METAP1: variants seen among roughly 807,000 people sequenced by gnomAD.
The protein encoded by METAP1 is methionine aminopeptidase 1.
In METAP1, 28 loss-of-function variants were observed where a neutral mutation model predicts 53.8. The observed-to-expected ratio is 0.52, with a 90% CI of 0.39 to 0.71. The LOEUF (loss-of-function observed/expected upper bound fraction) is 0.71. Among genes scored for constraint, METAP1 ranks in the 30% least tolerant of loss-of-function variants. The pLI, the probability that METAP1 is intolerant of heterozygous loss-of-function variation, is 0.00. For missense variants in METAP1, 389 were observed against 479.8 expected, an observed-to-expected ratio of 0.81 and a Z score of 1.77; for synonymous variants, 181 against 165.7, an observed-to-expected ratio of 1.09 and a Z score of -0.71.
chr4:99,003,830 A>G (rs1247368330), intron 1 of METAP1, among the ~76,000 whole-genome samples: 1 of 152,118 alleles, frequency 6.6e-6, no homozygotes. Context: ...GTGGACACCA[A>G]CTGGGTGTCC....
intron 1 of METAP1, among the ~76,000 whole-genome samples, chr4:99,013,233 C>T (rs899546303): frequency 1.3e-5 from 2 of 152,008 alleles, no homozygotes; most frequent in Non-Finnish European, 2.9e-5. Context: ...AATTTCATTA[C>T]TTCTTTCTTT....
intron 10 of METAP1, among the ~76,000 whole-genome samples, chr4:99,058,191 G>A (rs1727289155): frequency 6.6e-6 from 1 of 152,152 alleles, no homozygotes; most frequent in Non-Finnish European, 1.5e-5. Flanking sequence ...CACCCAGTTC[G>A]AGGCAGACAT....
At chr4:99,057,531 A>G (rs1253311369) in intron 9 of METAP1, among the ~76,000 whole-genome samples, 3 of 140,280 alleles carry the variant, frequency 2.1e-5, no homozygotes, top group Non-Finnish European at 4.5e-5. Flanking sequence ...CTGTTTTCCT[A>G]GAGAACACAT....
chr4:99,013,696 C>T (rs574907421), intron 1 of METAP1, among the ~76,000 whole-genome samples: 66 of 152,106 alleles, frequency 4.3e-4, no homozygotes, highest in Middle Eastern at 3.4e-3. Flanking sequence ...CTAAATAGGA[C>T]GAAGGGAAAA....
At chr4:99,025,358 C>G (rs764698009) in intron 1 of METAP1, 1 of 984,494 alleles carries the variant, frequency 1.0e-6, no homozygotes, top group Non-Finnish European at 1.2e-6. Flanking sequence ...TTTGCAGTAG[C>G]GATTTCAGTA....
intron 1 of METAP1, among the ~76,000 whole-genome samples, chr4:99,014,368 A>G (rs1046812843): frequency 6.6e-6 from 1 of 152,220 alleles, no homozygotes; most frequent in Admixed American, 6.5e-5. Flanking sequence ...AGCTAGCATC[A>G]TATCAAGAGT....
At chr4:99,037,263 C>T (rs964571803) in intron 4 of METAP1, among the ~76,000 whole-genome samples, 24 of 150,768 alleles carry the variant, frequency 1.6e-4, no homozygotes, top group African/African-American at 4.9e-4. Context: ...ACCAATTGAC[C>T]GTTTGTTTTG....
chr4:99,005,226 A>T (rs896879835), intron 1 of METAP1, among the ~76,000 whole-genome samples: 1 of 152,148 alleles, frequency 6.6e-6, no homozygotes, highest in Non-Finnish European at 1.5e-5. Flanking sequence ...ATATTTGCAA[A>T]CTATGCATCT....
At chr4:99,005,979 C>T (rs1039736698) in intron 1 of METAP1, 4 of 167,710 alleles carry the variant, frequency 2.4e-5, no homozygotes, top group Admixed American at 1.2e-4. Context: ...AATGTACATA[C>T]TAGGATGACT....
Position 99,061,177 on chromosome 4 carries a change from C to A in METAP1, c.1021C>A (p.Pro341Thr). ...AGGCGGATGGCAGGATGAAACCTGG[C>A]CAGATGGTTGGACTGCGGTGACAAG... is the stretch of plus-strand genomic sequence containing the variant. ...CEGGWQDETW[P>T]DGWTAVTRDG... is the part of the protein sequence containing the mutation. The change falls in exon 11 of 11, where the codon CCA becomes ACA. Residue 341 changes from proline to threonine, a missense_variant. Physicochemically the swap from Pro to Thr is conservative, Grantham distance 38. Coordinates refer to ENST00000296411, the MANE Select transcript of METAP1 (RefSeq NM_015143.3). The A allele has an allele frequency of 6.2e-7, 1 of 1,613,184 alleles. No homozygotes were observed. The highest frequency in any genetic ancestry group is 1.1e-5 in the South Asian group (1 of 90,956).
At chr4:99,035,261 T>A in intron 3 of METAP1, 139 bp from the exon 4 acceptor site, 1 of 638,552 alleles carries the variant, frequency 1.6e-6, no homozygotes, top group Admixed American at 2.7e-5. Flanking sequence ...AAGTAAAGCA[T>A]AATCTTAATG....
At chr4:99,022,494 G>A (rs1385617463) in intron 1 of METAP1, 2 of 620,322 alleles carry the variant, frequency 3.2e-6, no homozygotes, top group Non-Finnish European at 5.8e-6. Flanking sequence ...TAGGACGTTG[G>A]GCAAATGTCC....
chr4:99,014,429 T>A (rs1723639515), intron 1 of METAP1, among the ~76,000 whole-genome samples: 1 of 152,256 alleles, frequency 6.6e-6, no homozygotes, highest in Non-Finnish European at 1.5e-5. Flanking sequence ...TCATCTGCAA[T>A]TCCCCTGACC....
At chr4:99,032,332 A>G (rs1157574773) in intron 2 of METAP1, among the ~76,000 whole-genome samples, 3 of 151,794 alleles carry the variant, frequency 2.0e-5, no homozygotes, top group Admixed American at 6.6e-5. Flanking sequence ...GGCTCGAGCA[A>G]TCCTTCTATT....
intron 1 of METAP1, among the ~76,000 whole-genome samples, chr4:99,007,208 C>T (rs181021327): frequency 0.011 from 1,727 of 152,154 alleles, 22 homozygotes; most frequent in South Asian, 0.052. Context: ...CTGCTTGCCT[C>T]GGCCTCCCAA....
Position 99,004,666 on chromosome 4 carries a change from C to T in METAP1, c.114+8799C>T, listed in dbSNP as rs141903210. ...CTTTGTCCCTCATCCAAGAGGTATT[C>T]CATATCCTGAATTTTGTGTTTATCA... On this transcript the variant is annotated intron_variant, in intron 1 of 10. Transcript: ENST00000296411. 7.2e-3 allele frequency among the ~76,000 whole-genome samples: 1,095 copies of T among 152,244 alleles called. 9 individuals carry two copies. The highest frequency in any genetic ancestry group is 0.025 in the African/African-American group (1,036 of 41,522).
intron 1 of METAP1, among the ~76,000 whole-genome samples, chr4:99,000,655 CT>C (rs781035164): frequency 0.077 from 8,724 of 112,612 alleles, 842 homozygotes; most frequent in African/African-American, 0.24. Flanking sequence ...GGAAGAAAGT[CT>C]TTTTTTTTTT....
At chr4:99,044,116 A>G (rs950484775) in intron 7 of METAP1, among the ~76,000 whole-genome samples, 1 of 151,900 alleles carries the variant, frequency 6.6e-6, no homozygotes, top group Non-Finnish European at 1.5e-5. Context: ...TTTTGTAGAG[A>G]TGGGGTTTTG....
chr4:99,043,149 C>A, intron 6 of METAP1, 100 bp from the exon 7 acceptor site: 1 of 807,604 alleles, frequency 1.2e-6, no homozygotes, highest in Non-Finnish European at 1.9e-6. Context: ...TTCATAGTAG[C>A]ATGTGTCCAA....
Sources: gnomAD v4.1 joint callset for allele counts (sites outside exome capture counted in the v4.1 genomes callset) on GRCh38, gnomAD v4.1.1 for gene constraint, MANE v1.5 for transcripts, NCBI Gene and HGNC (gene_info 2026-07-23, HGNC 2026-07-21) for gene names.